Variants in ADAM10 observed in about 807,000 individuals in gnomAD.
ADAM10 encodes ADAM metallopeptidase domain 10.
Under a neutral mutation model 90.1 loss-of-function variants are expected in ADAM10, and 17 were observed. The ratio of observed to expected loss-of-function variants is 0.19; its 90% CI spans 0.13 to 0.28. The LOEUF (loss-of-function observed/expected upper bound fraction) is 0.28. Among genes scored for constraint, ADAM10 ranks in the 10% least tolerant of loss-of-function variants. ADAM10 has a pLI of 1.00. For synonymous variants in ADAM10, 310 were observed against 298.6 expected (o/e 1.04, Z -0.40); for missense variants, 610 against 914.3 (o/e 0.67, Z 4.29).
chr15:58,633,562 A>C (rs1896160404), intron 8 of ADAM10, among the ~76,000 whole-genome samples: 1 of 152,220 alleles, frequency 6.6e-6, no homozygotes, highest in Non-Finnish European at 1.5e-5. Flanking sequence ...ATTCAGAAAG[A>C]AACTCCCAGG....
chr15:58,658,547 G>A (rs1261274634), intron 5 of ADAM10, among the ~76,000 whole-genome samples: 2 of 152,074 alleles, frequency 1.3e-5, no homozygotes, highest in Non-Finnish European at 2.9e-5. Context: ...TCCACTGGAA[G>A]TCTTGATACT....
chr15:58,711,672 C>T (rs1219144599), intron 2 of ADAM10, among the ~76,000 whole-genome samples: 2 of 152,106 alleles, frequency 1.3e-5, no homozygotes, highest in African/African-American at 4.8e-5. Context: ...AAAATAAAGA[C>T]AAGATGCCTA....
rs1453538113 is a variant in ADAM10, at chr15:58,596,713, T to G, written c.*834A>C. ...ATTGAATTAGAAAGTTTAAAAGACG[T>G]AAGCAGAAACCAGACATCTACATCA... On this transcript the variant is annotated 3_prime_UTR_variant, in exon 16 of 16. Transcript: ENST00000260408. The G allele has an allele frequency of 6.6e-6, 1 of 152,244 alleles. No homozygotes were observed. Among genetic ancestry groups the G allele is most frequent in the East Asian group, 1.9e-4 (1 of 5,200 alleles). The allele number at this position is 152,244 out of a possible 1,614,324, so 9.4% of individuals were successfully genotyped here.
intron 2 of ADAM10, among the ~76,000 whole-genome samples, chr15:58,685,545 A>AATATATAT (rs56776777): frequency 0.013 from 1,507 of 115,954 alleles, 34 homozygotes; most frequent in Admixed American, 0.018. Context: ...TATGAAGGAG[A>AATATATAT]ATATATATAT....
chr15:58,641,058 C>A (rs919121368), intron 7 of ADAM10, 98 bp from the exon 8 acceptor site: 1 of 1,175,932 alleles, frequency 8.5e-7, no homozygotes, highest in Non-Finnish European at 1.2e-6. Context: ...GGACAATATG[C>A]TCCCATGGAA....
intron 1 of ADAM10, among the ~76,000 whole-genome samples, chr15:58,729,865 G>A (rs1362085423): frequency 3.3e-5 from 5 of 151,912 alleles, no homozygotes; most frequent in Non-Finnish European, 7.4e-5. Flanking sequence ...GGAAGGCTGA[G>A]GCAGAAGAAC....
intron 2 of ADAM10, among the ~76,000 whole-genome samples, chr15:58,690,829 A>C (rs1308588091): frequency 7.2e-5 from 11 of 152,196 alleles, no homozygotes; most frequent in Non-Finnish European, 1.3e-4. Context: ...CATCTTCATC[A>C]ATAGCTAACC....
Position 58,722,240 on chromosome 15 carries a change from G to A in ADAM10, c.56-4513C>T, listed in dbSNP as rs150503514. Among the ~76,000 whole-genome samples the A allele has an allele frequency of 1.3e-3, 205 of 152,102 alleles. 1 individual carries two copies. Among genetic ancestry groups the A allele is most frequent in the African/African-American group, 4.7e-3 (195 of 41,478 alleles). ...ATCTATAACACCAGCTACTCAAGAG[G>A]CTGAGGCAGGAGAATCACTTGAACC... On this transcript the variant is annotated intron_variant, in intron 1 of 15. Coordinates refer to ENST00000260408, the MANE Select transcript of ADAM10 (RefSeq NM_001110.4).
chr15:58,628,237 A>T (rs754263949), intron 9 of ADAM10, among the ~76,000 whole-genome samples: 2 of 152,226 alleles, frequency 1.3e-5, no homozygotes, highest in Non-Finnish European at 2.9e-5. Context: ...AATAGTCTCT[A>T]ACACATATGT....
Position 58,627,788 on chromosome 15 carries a change from C to T in ADAM10, c.1272G>A (p.Gly424=), listed in dbSNP as rs766945475. The change falls in exon 10 of 16, where the codon GGG becomes GGA. Residue 424 remains glycine (G), a synonymous_variant. Coordinates refer to ENST00000260408, the MANE Select transcript of ADAM10 (RefSeq NM_001110.4). ...NYIMYARATS[G]DKLNNNKFSL... is the part of the protein sequence containing the mutation. Reference sequence around the variant, plus strand: ...AGAATTTATTGTTGTTAAGTTTGTCCCCAGATGTTGCTCTTGCATACATGA... The same window carrying T: ...AGAATTTATTGTTGTTAAGTTTGTCTCCAGATGTTGCTCTTGCATACATGA... 1 of 1,613,456 alleles carries T rather than the reference C, an allele frequency of 6.2e-7. No individual in the cohort carries two copies.
chr15:58,691,741 G>A (rs974283421), intron 2 of ADAM10: 1 of 337,666 alleles, frequency 3.0e-6, no homozygotes, highest in Non-Finnish European at 5.6e-6. Context: ...TTAGTGCAGT[G>A]GCATGATCTT....
At chr15:58,607,664 T>C (rs530311736) in intron 14 of ADAM10, among the ~76,000 whole-genome samples, 1 of 152,210 alleles carries the variant, frequency 6.6e-6, no homozygotes, top group Admixed American at 6.5e-5. Flanking sequence ...GAGAATGTGT[T>C]TGACTCTTGA....
chr15:58,749,513 T>C lies in ADAM10; in HGVS notation c.22A>G (p.Ile8Val). 1.3e-6 allele frequency: 2 copies of C among 1,554,312 alleles called. No homozygotes were observed. Among genetic ancestry groups the C allele is most frequent in the Non-Finnish European group, 1.7e-6 (2 of 1,148,738 alleles). The change falls in exon 1 of 16, where the codon ATT (isoleucine) becomes GTT (valine). Residue 8 changes from isoleucine to valine, a missense_variant. Ile to Val is a conservative substitution (Grantham distance 29). Around this residue, in one of 4 missense-constraint regions of ADAM10, gnomAD observed 310 missense variants for 362.4 expected, o/e 0.86. Transcript: ENST00000260408. MVLLRVL[I>V]LLLSWAAGMG... ...CCCGCCGCCCAGGAGAGGAGCAGAA[T>C]TAACACTCTCAGCAACACCATCTTC...
chr15:58,619,250 G>GT (rs1294150060), intron 11 of ADAM10, among the ~76,000 whole-genome samples: 1 of 152,180 alleles, frequency 6.6e-6, no homozygotes, highest in African/African-American at 2.4e-5. Flanking sequence ...AACAGCACAT[G>GT]TTGTTACTCA....
chr15:58,692,104 C>T (rs748168177), intron 2 of ADAM10: 7 of 489,068 alleles, frequency 1.4e-5, no homozygotes, highest in South Asian at 1.1e-4. Context: ...CATACTCTGG[C>T]ATCAAATCAT....
intron 2 of ADAM10, among the ~76,000 whole-genome samples, chr15:58,715,535 T>C (rs1337557436): frequency 2.0e-5 from 3 of 152,200 alleles, no homozygotes; most frequent in Non-Finnish European, 2.9e-5. Flanking sequence ...TTTGAATATC[T>C]ATAGCATTTT....
At position 58,593,355 on chromosome 15, in the gene ADAM10, G is replaced by C. The variant is rs1894872664; in HGVS notation, c.*4192C>G. On this transcript the variant is annotated 3_prime_UTR_variant, in exon 16 of 16. Coordinates refer to ENST00000260408, the MANE Select transcript of ADAM10 (RefSeq NM_001110.4). Reference sequence around the variant, plus strand: ...GCCTCCCGAGTAGCTGGGATTACAAGCATGTGCCACCACGCCCAGCTGTAT... The same window carrying C: ...GCCTCCCGAGTAGCTGGGATTACAACCATGTGCCACCACGCCCAGCTGTAT... The C allele has an allele frequency of 6.6e-6, 1 of 152,064 alleles. No individual in the cohort carries two copies. The highest frequency in any genetic ancestry group is 1.5e-5 in the Non-Finnish European group (1 of 68,048). 9.4% of individuals were successfully genotyped at this position (152,064 alleles called of 1,614,324 possible). A position where few individuals can be genotyped will look rare whatever the true frequency, so the allele number is the denominator to read the frequency against.
At chr15:58,696,415 T>C (rs1351297976) in intron 2 of ADAM10, among the ~76,000 whole-genome samples, 1 of 151,970 alleles carries the variant, frequency 6.6e-6, no homozygotes, top group Non-Finnish European at 1.5e-5. Context: ...TTAAGAACAC[T>C]TGAAGTAGGC....
chr15:58,742,473 A>AC (rs1899647777), intron 1 of ADAM10, among the ~76,000 whole-genome samples: 1 of 152,172 alleles, frequency 6.6e-6, no homozygotes, highest in South Asian at 2.1e-4. Flanking sequence ...GATATTTTCA[A>AC]CTTATGATGA....
Sources: gnomAD v4.1 joint callset for allele counts (sites outside exome capture counted in the v4.1 genomes callset) on GRCh38, gnomAD v4.1.1 for gene constraint, gnomAD v4.1.1 regional missense constraint, MANE v1.5 for transcripts, NCBI Gene and HGNC (gene_info 2026-07-23, HGNC 2026-07-21) for gene names.